The following SMAD4 variants were observed in gnomAD, a reference collection of about 807,000 sequenced individuals.
The protein encoded by SMAD4 is MAD homolog 4.
SMAD4 carries 7 observed loss-of-function variants against 63.2 expected under a neutral mutation model. The ratio of observed to expected loss-of-function variants is 0.11; its 90% CI spans 0.06 to 0.21. The LOEUF is 0.21. Among genes scored for constraint, SMAD4 ranks in the 10% least tolerant of loss-of-function variants. The pLI, the probability that SMAD4 is intolerant of heterozygous loss-of-function variation, is 1.00. For synonymous variants in SMAD4, 215 were observed against 235.4 expected (o/e 0.91, Z 0.79); for missense variants, 312 against 693.8 (o/e 0.45, Z 6.18).
intron 2 of SMAD4, among the ~76,000 whole-genome samples, chr18:51,048,119 C>T (rs1909600708): frequency 6.6e-6 from 1 of 152,162 alleles, no homozygotes; most frequent in Non-Finnish European, 1.5e-5. Context: ...CAAGACTTTA[C>T]ACATAGTTTC....
intron 1 of SMAD4, among the ~76,000 whole-genome samples, chr18:51,044,308 C>G (rs141717957): frequency 6.6e-6 from 1 of 152,102 alleles, no homozygotes; most frequent in African/African-American, 2.4e-5. Context: ...CCATGCCTGG[C>G]GAACCTCCTA....
chr18:51,084,000 G>A lies in SMAD4; in HGVS notation c.*5533G>A, dbSNP rs976992290. The A allele has an allele frequency of 3.5e-5, 7 of 201,362 alleles. No individual in the cohort carries two copies. The highest frequency in any genetic ancestry group is 1.3e-4 in the East Asian group (2 of 15,212). The allele number at this position is 201,362 out of a possible 1,614,324, so 12.5% of individuals were successfully genotyped here. A position where few individuals can be genotyped will look rare whatever the true frequency, so the allele number is the denominator to read the frequency against. ...TGCAATAAACACTTAACGCGCGTGCGCACGCGCGCGCGCACACACACACAC... is the reference window on the plus strand; with the variant it reads ...TGCAATAAACACTTAACGCGCGTGCACACGCGCGCGCGCACACACACACAC... On this transcript the variant is annotated 3_prime_UTR_variant, in exon 12 of 12. Transcript: ENST00000342988.
intron 8 of SMAD4, 149 bp from the exon 9 acceptor site, chr18:51,065,274 G>A (rs1428297029): frequency 4.3e-6 from 3 of 701,838 alleles, no homozygotes; most frequent in African/African-American, 3.5e-5. Context: ...AATGCATTAT[G>A]TTATTTTAAT....
In SMAD4 at chr18:51,076,779, A is replaced by C. The variant is rs754526507; in HGVS notation, c.1447+3A>C. On this transcript the variant is annotated splice_donor_region_variant and intron_variant, in intron 11 of 11. Transcript: ENST00000342988. ...AGGTGGAATAGCTCCAGCTATCAGT[A>C]AGTATGCTTTTCATTCTTTTTTAAA... 1.9e-6 allele frequency: 3 copies of C among 1,599,452 alleles called. No individual in the cohort carries two copies. Among genetic ancestry groups the C allele is most frequent in the Non-Finnish European group, 2.6e-6 (3 of 1,170,286 alleles).
At chr18:51,050,085 C>T (rs117731981) in intron 4 of SMAD4, among the ~76,000 whole-genome samples, 2 of 152,208 alleles carry the variant, frequency 1.3e-5, no homozygotes, top group South Asian at 2.1e-4. Flanking sequence ...CAGCCAGGCA[C>T]GGTGGTTCAC....
chr18:51,038,700 TAC>T (rs1427811230), intron 1 of SMAD4, among the ~76,000 whole-genome samples: 1 of 152,236 alleles, frequency 6.6e-6, no homozygotes, highest in Non-Finnish European at 1.5e-5. Flanking sequence ...AAAACAGTGT[TAC>T]TCTGATTCCT....
Position 51,068,763 on chromosome 18 carries a change from AT to A in SMAD4, c.1308+1578del, listed in dbSNP as rs1257684108. Among the ~76,000 whole-genome samples the A allele has an allele frequency of 1.4e-4, 22 of 152,116 alleles. 1 individual carries two copies. Among genetic ancestry groups the A allele is most frequent in the Middle Eastern group, 3.4e-3 (1 of 294 alleles). On this transcript the variant is annotated intron_variant, in intron 10 of 11. Coordinates refer to ENST00000342988, the MANE Select transcript of SMAD4 (RefSeq NM_005359.6). ...GTGATACCCCCATCTCTACAAAAAA[AT>A]TAAAAAATTAGCTGGGTGTGGTGGT...
intron 9 of SMAD4, among the ~76,000 whole-genome samples, chr18:51,066,281 T>C (rs1029138613): frequency 1.1e-4 from 17 of 151,256 alleles, no homozygotes; most frequent in African/African-American, 4.1e-4. Context: ...GAGGTGGAGG[T>C]TGCAGTGAGC....
rs1439051547 is a variant in SMAD4 at position 51,078,955 on chromosome 18, CAA to C, written c.*489_*490del. ...TGCCATGTGGGTGAGTTAATTTTAC[CAA>C]GAGTAACTTTACTCTGTGTTTAAAA... On this transcript the variant is annotated 3_prime_UTR_variant, in exon 12 of 12. Transcript: ENST00000342988. 2.1e-5 allele frequency: 5 copies of C among 234,968 alleles called. No homozygotes were observed. Among genetic ancestry groups the C allele is most frequent in the African/African-American group, 1.1e-4 (5 of 45,306 alleles). 14.6% of individuals were successfully genotyped at this position (234,968 alleles called of 1,614,324 possible).
intron 5 of SMAD4, among the ~76,000 whole-genome samples, chr18:51,056,029 A>G (rs77428143): frequency 0.019 from 2,889 of 152,334 alleles, 43 homozygotes; most frequent in Non-Finnish European, 0.024. Flanking sequence ...TTTGCTATCT[A>G]AGAGATGACA....
In SMAD4 at chr18:51,054,861, A is replaced by G. The variant is rs542392980; in HGVS notation, c.535A>G (p.Ile179Val). 1.4e-5 allele frequency: 22 copies of G among 1,614,108 alleles called. No individual in the cohort carries two copies. Among genetic ancestry groups the G allele is most frequent in the African/African-American group, 2.7e-5 (2 of 75,060 alleles). Residue 179 changes from isoleucine (I) to valine (V), a missense_variant, in exon 5 of 12, where the codon ATT (isoleucine) becomes GTT (valine). Around this residue, in one of 4 missense-constraint regions of SMAD4, gnomAD observed 169 missense variants for 211.0 expected, o/e 0.80. Coordinates refer to ENST00000342988, the MANE Select transcript of SMAD4 (RefSeq NM_005359.6). ...ATCGTTGTCCACTGAAGGACATTCAATTCAAACCATCCAGCATCCACCAAG... is the reference window on the plus strand; with the variant it reads ...ATCGTTGTCCACTGAAGGACATTCAGTTCAAACCATCCAGCATCCACCAAG... ...QPSLSTEGHS[I>V]QTIQHPPSNR...
At chr18:51,074,791 C>T (rs76545198) in intron 10 of SMAD4, among the ~76,000 whole-genome samples, 2,367 of 152,250 alleles carry the variant, frequency 0.016, 65 homozygotes, top group African/African-American at 0.054. Context: ...AGTTCTGAAA[C>T]GAATGGACTG....
chr18:51,081,446 G>A lies in SMAD4; in HGVS notation c.*2979G>A, dbSNP rs1910611281. On this transcript the variant is annotated 3_prime_UTR_variant, in exon 12 of 12. Transcript: ENST00000342988. ...TAGTTTACCGCCCCTGGTATACAAA[G>A]ATAATGACAATAAATCACTGCCATA... is the stretch of plus-strand genomic sequence containing the variant. The A allele has an allele frequency of 4.3e-6, 1 of 230,520 alleles. No individual in the cohort carries two copies. Among genetic ancestry groups the A allele is most frequent in the African/African-American group, 2.2e-5 (1 of 45,140 alleles). 14.3% of individuals were successfully genotyped at this position (230,520 alleles called of 1,614,324 possible).
At position 51,076,962 on chromosome 18, in the gene SMAD4, G is replaced by T. The variant is rs1021817968; in HGVS notation, c.1447+186G>T. ...TTGCTTTTTGCCTATGACCCTGTTTGCATTCTTTTTGTATCAAAAATGGAG... is the reference window on the plus strand; with the variant it reads ...TTGCTTTTTGCCTATGACCCTGTTTTCATTCTTTTTGTATCAAAAATGGAG... On this transcript the variant is annotated intron_variant, in intron 11 of 11. Transcript: ENST00000342988. 3 of 515,330 alleles carry T rather than the reference G, an allele frequency of 5.8e-6. No individual in the cohort carries two copies. The South Asian group carries it at 8.7e-5, about 15-fold the overall frequency. The allele number at this position is 515,330 out of a possible 1,614,324, so 31.9% of individuals were successfully genotyped here.
At chr18:51,062,931 A>G (rs1910058746) in intron 8 of SMAD4, among the ~76,000 whole-genome samples, 1 of 122,602 alleles carries the variant, frequency 8.2e-6, no homozygotes. Context: ...GACTTGGCTC[A>G]CTGCAACCTC....
chr18:51,084,437 C>A lies in SMAD4; in HGVS notation c.*5970C>A, dbSNP rs1433184011. 1 of 225,100 alleles carries A rather than the reference C, an allele frequency of 4.4e-6. No homozygotes were observed. Among genetic ancestry groups the A allele is most frequent in the African/African-American group, 2.2e-5 (1 of 44,624 alleles). 13.9% of individuals were successfully genotyped at this position (225,100 alleles called of 1,614,324 possible). On this transcript the variant is annotated 3_prime_UTR_variant, in exon 12 of 12. Transcript: ENST00000342988. Reference sequence around the variant, plus strand: ...CATTCAGAGCTCTCTTCTAGCCTACCCTTGGATGAGTACAATTAATGAAAT... The same window carrying A: ...CATTCAGAGCTCTCTTCTAGCCTACACTTGGATGAGTACAATTAATGAAAT...
rs1034419167 is a variant in SMAD4, at chr18:51,081,909, C to A, written c.*3442C>A. 14 of 231,894 alleles carry A rather than the reference C, an allele frequency of 6.0e-5. No homozygotes were observed. Among genetic ancestry groups the A allele is most frequent in the Non-Finnish European group, 1.2e-4 (14 of 117,382 alleles). 14.4% of individuals were successfully genotyped at this position (231,894 alleles called of 1,614,324 possible). On this transcript the variant is annotated 3_prime_UTR_variant, in exon 12 of 12. Coordinates refer to ENST00000342988, the MANE Select transcript of SMAD4 (RefSeq NM_005359.6). ...GAATAAAATGGTAAATGTTTCTGTG[C>A]CTGGTTTGATGGTAACTGGTTAATA...
intron 4 of SMAD4, chr18:51,054,237 G>A (rs1451406254): frequency 6.3e-6 from 1 of 157,856 alleles, no homozygotes; most frequent in African/African-American, 2.4e-5. Context: ...TAAACCTATA[G>A]GGGACATTAC....
chr18:51,055,918 A>T (rs866694420), intron 5 of SMAD4, among the ~76,000 whole-genome samples: 12 of 152,176 alleles, frequency 7.9e-5, no homozygotes, highest in African/African-American at 2.7e-4. Flanking sequence ...GATCTTTGGA[A>T]TAAATGGGGG....
Sources: gnomAD v4.1 joint callset for allele counts (sites outside exome capture counted in the v4.1 genomes callset) on GRCh38, gnomAD v4.1.1 for gene constraint, gnomAD v4.1.1 regional missense constraint, MANE v1.5 for transcripts, NCBI Gene and HGNC (gene_info 2026-07-23, HGNC 2026-07-21) for gene names.